VAV2: variants seen among roughly 807,000 people sequenced by gnomAD.
VAV2 encodes vav guanine nucleotide exchange factor 2, also known as guanine nucleotide exchange factor VAV2.
In VAV2, 67 loss-of-function variants were observed where a neutral mutation model predicts 132.5. The ratio of observed to expected loss-of-function variants is 0.51; its 90% CI spans 0.42 to 0.62. The LOEUF (loss-of-function observed/expected upper bound fraction) is 0.62. Among genes scored for constraint, VAV2 ranks in the 20% least tolerant of loss-of-function variants. The pLI is 0.00. For synonymous variants in VAV2, 492 were observed against 443.5 expected (o/e 1.11, Z -1.37); for missense variants, 938 against 1,153.6 (o/e 0.81, Z 2.71).
chr9:133,952,978 C>T (rs1175290482), intron 1 of VAV2, among the ~76,000 whole-genome samples: 1 of 149,526 alleles, frequency 6.7e-6, no homozygotes, highest in East Asian at 2.0e-4. Flanking sequence ...CCCGGGACAC[C>T]TAGAACCTGG....
intron 1 of VAV2, among the ~76,000 whole-genome samples, chr9:133,988,232 C>G (rs1000980311): frequency 1.1e-4 from 16 of 149,994 alleles, no homozygotes; most frequent in Non-Finnish European, 1.9e-4. Context: ...GGCACCCACC[C>G]CCCACCCCTG....
At chr9:133,776,821 C>T (rs2131583672) in intron 23 of VAV2, among the ~76,000 whole-genome samples, 1 of 152,308 alleles carries the variant, frequency 6.6e-6, no homozygotes, top group East Asian at 1.9e-4. Context: ...CCCACCCCTG[C>T]ACCTTCAGAG....
Position 133,991,900 on chromosome 9 carries a change from A to C in VAV2, c.204+175T>G, listed in dbSNP as rs1000196295. On this transcript the variant is annotated intron_variant, in intron 1 of 29. Transcript: ENST00000371850. This position sits in a 1 kb window ranked among gnomAD's most constrained non-coding sequence, Gnocchi z 4.8. ...ACTTTGGCCAACTTCGCGCCTCCTG[A>C]GGTCGCGTCTCGGAGGCCCGGGGCG... 6.7e-6 allele frequency among the ~76,000 whole-genome samples: 1 copy of C among 150,140 alleles called. No homozygotes were observed. Among genetic ancestry groups the C allele is most frequent in the African/African-American group, 2.4e-5 (1 of 40,942 alleles).
chr9:133,783,990 C>A (rs1453510721), intron 18 of VAV2, among the ~76,000 whole-genome samples: 4 of 151,492 alleles, frequency 2.6e-5, no homozygotes, highest in African/African-American at 9.7e-5. Flanking sequence ...ATTCAATTCT[C>A]CCACATCAGC....
intron 3 of VAV2, among the ~76,000 whole-genome samples, chr9:133,851,161 C>T (rs10116617): frequency 0.043 from 6,577 of 152,324 alleles, 429 homozygotes; most frequent in African/African-American, 0.14. Context: ...ACATGGCCTC[C>T]ACCACGCACT....
intron 1 of VAV2, among the ~76,000 whole-genome samples, chr9:133,944,327 C>T (rs1161816003): frequency 2.0e-5 from 3 of 152,200 alleles, no homozygotes; most frequent in African/African-American, 7.2e-5. Context: ...CCAGAGCTGG[C>T]ATCTAGCCGG....
intron 1 of VAV2, among the ~76,000 whole-genome samples, chr9:133,963,810 T>A (rs1466957991): frequency 4.0e-5 from 6 of 151,820 alleles, no homozygotes; most frequent in African/African-American, 1.2e-4. Context: ...TGTCAGAACA[T>A]GCAAGGAAAA....
chr9:133,821,247 C>A (rs1835775675), intron 4 of VAV2, among the ~76,000 whole-genome samples: 1 of 152,250 alleles, frequency 6.6e-6, no homozygotes, highest in Non-Finnish European at 1.5e-5. Flanking sequence ...CATGCCACAC[C>A]AGTGTCTGGT....
In VAV2 at chr9:133,769,281, C is replaced by T; in HGVS notation, c.2434+136G>A. 1.0e-6 allele frequency: 1 copy of T among 973,726 alleles called. No individual in the cohort carries two copies. Among genetic ancestry groups the T allele is most frequent in the Admixed American group, 2.8e-5 (1 of 35,088 alleles). 60.3% of individuals were successfully genotyped at this position (973,726 alleles called of 1,614,324 possible). On this transcript the variant is annotated intron_variant, in intron 28 of 29. Coordinates refer to ENST00000371850, the MANE Select transcript of VAV2 (RefSeq NM_001134398.2). The surrounding 1 kb of genome is among the most constrained non-coding windows in gnomAD (Gnocchi z 8.1). ...CCGGCCTCCCCAGCCCCTTTCTCCC[C>T]TCCACCCAGTGCCAGACTGCGGACA...
At position 133,884,730 on chromosome 9, in the gene VAV2, A is replaced by G. The variant is rs371577442; in HGVS notation, c.322-23298T>C. On this transcript the variant is annotated intron_variant, in intron 2 of 29. Transcript: ENST00000371850. The surrounding 1 kb of genome is among the most constrained non-coding windows in gnomAD (Gnocchi z 5.3). Reference sequence around the variant, plus strand: ...GTTTTAACTCCAAAGATTTTTAATTAGCTTTATTCACTCAAAACACACGGA... The same window carrying G: ...GTTTTAACTCCAAAGATTTTTAATTGGCTTTATTCACTCAAAACACACGGA... Among the ~76,000 whole-genome samples the G allele has an allele frequency of 1.1e-3, 162 of 152,356 alleles. No homozygotes were observed. The highest frequency in any genetic ancestry group is 3.7e-3 in the African/African-American group (154 of 41,580).
At chr9:133,805,044 C>T (rs903613150) in intron 9 of VAV2, among the ~76,000 whole-genome samples, 1 of 152,146 alleles carries the variant, frequency 6.6e-6, no homozygotes, top group Admixed American at 6.5e-5. Flanking sequence ...GCAGGGCTTC[C>T]CAGGCAACGT....
chr9:133,939,397 G>A, intron 1 of VAV2, 178 bp from the exon 2 acceptor site: 1 of 648,074 alleles, frequency 1.5e-6, no homozygotes, highest in Non-Finnish European at 2.7e-6. Context: ...CCCGTCCCAA[G>A]GCTGGGGGGT....
At chr9:133,815,169 G>A (rs1835509606) in intron 4 of VAV2, among the ~76,000 whole-genome samples, 1 of 152,002 alleles carries the variant, frequency 6.6e-6, no homozygotes, top group African/African-American at 2.4e-5. Context: ...GAAAAGGGGT[G>A]TGGAAGGCAG....
chr9:133,853,258 C>T (rs1456543767), intron 3 of VAV2, among the ~76,000 whole-genome samples: 2 of 152,194 alleles, frequency 1.3e-5, no homozygotes, highest in Non-Finnish European at 2.9e-5. Context: ...CCCTCTACCC[C>T]AGGGCCACTC....
chr9:133,794,399 C>T lies in VAV2; in HGVS notation c.1101+1269G>A, dbSNP rs146862589. 6.4e-3 allele frequency among the ~76,000 whole-genome samples: 974 copies of T among 152,302 alleles called. 7 individuals are homozygous for T. Among genetic ancestry groups the T allele is most frequent in the African/African-American group, 0.022 (926 of 41,570 alleles). On this transcript the variant is annotated intron_variant, in intron 12 of 29. Transcript: ENST00000371850. This position sits in a 1 kb window ranked among gnomAD's most constrained non-coding sequence, Gnocchi z 4.6. ...TGGGACCACCTCCCGTGCCCACACA[C>T]GAGTGCCCACAGGATTTGGAGTAAA...
chr9:133,920,102 C>G (rs967977440), intron 2 of VAV2, among the ~76,000 whole-genome samples: 1 of 152,200 alleles, frequency 6.6e-6, no homozygotes, highest in Non-Finnish European at 1.5e-5. Context: ...CACCGAGAAC[C>G]AGGCCTCACT....
chr9:133,900,480 T>G (rs956517800), intron 2 of VAV2, among the ~76,000 whole-genome samples: 1 of 151,968 alleles, frequency 6.6e-6, no homozygotes, highest in Admixed American at 6.6e-5. Context: ...CTCCACCCTA[T>G]CTGTATAAAA....
chr9:133,882,875 G>A (rs1838554079), intron 2 of VAV2, among the ~76,000 whole-genome samples: 1 of 152,158 alleles, frequency 6.6e-6, no homozygotes. Context: ...CAGGGAGCAG[G>A]GGGCGACAGC....
Position 133,892,479 on chromosome 9 carries a change from G to A in VAV2, c.322-31047C>T, listed in dbSNP as rs1839017872. The stretch of plus-strand genomic sequence containing the variant: ...CCTCTGTCTATAAGCACACTGGGGA[G>A]GAGACAGAATTAAGTCACTTGGCCA... On this transcript the variant is annotated intron_variant, in intron 2 of 29. Transcript: ENST00000371850. Among the ~76,000 whole-genome samples, 3 of 151,990 alleles carry A rather than the reference G, an allele frequency of 2.0e-5. No homozygotes were observed. In the South Asian group the frequency reaches 6.2e-4, roughly 31 times the overall value.
Sources: gnomAD v4.1 joint callset for allele counts (sites outside exome capture counted in the v4.1 genomes callset) on GRCh38, gnomAD v4.1.1 for gene constraint, Gnocchi (gnomAD v3.1) non-coding constraint, MANE v1.5 for transcripts, NCBI Gene and HGNC (gene_info 2026-07-23, HGNC 2026-07-21) for gene names.